The following CSRP2 variants were observed in gnomAD, a reference collection of about 807,000 sequenced individuals.
The protein encoded by CSRP2 is cysteine and glycine rich protein 2.
Under a neutral mutation model 24.6 loss-of-function variants are expected in CSRP2, and 18 were observed. The observed-to-expected ratio is 0.73, with a 90% confidence interval of 0.51 to 1.09. The LOEUF (loss-of-function observed/expected upper bound fraction) is 1.09, where lower values mean the gene tolerates loss of function less well. Among genes scored for constraint, CSRP2 ranks in the 50% least tolerant of loss-of-function variants. The probability of loss-of-function intolerance (pLI) is 0.00; values close to 1 mark genes in which losing one functional copy is unlikely to be tolerated. For missense variants in CSRP2, 215 were observed against 239.4 expected (o/e 0.90, Z 0.67); for synonymous variants, 87 against 84.3 (o/e 1.03, Z -0.18).
At position 76,863,251 on chromosome 12, in the gene CSRP2, T is replaced by G. The variant is rs1221600066; in HGVS notation, c.206A>C (p.Lys69Thr). The change falls in exon 3 of 6, where the codon AAA becomes ACA. Residue 69 changes from lysine (K) to threonine (T), a missense_variant. Physicochemically the swap from Lys to Thr is moderately conservative, Grantham distance 78. Coordinates refer to ENST00000311083, the MANE Select transcript of CSRP2 (RefSeq NM_001321.3). ...AGCGCCCTGGCCATAACCGTAGCCT[T>G]TTGGCCCATACTTCTTTCCGTAGCA... ...KSCYGKKYGP[K>T]GYGYGQGAGT... 1 of 1,614,238 alleles carries G rather than the reference T, an allele frequency of 6.2e-7. No homozygotes were observed. Among genetic ancestry groups the G allele is most frequent in the Admixed American group, 1.7e-5 (1 of 60,030 alleles).
chr12:76,866,104 G>T, intron 2 of CSRP2, 45 bp downstream of exon 2: 1 of 1,442,314 alleles, frequency 6.9e-7, no homozygotes, highest in Non-Finnish European at 9.7e-7. Flanking sequence ...TTGAAGCTCT[G>T]TACATACAAA....
At chr12:76,860,452 C>CCT in intron 3 of CSRP2, 39 bp from the exon 4 acceptor site, 1 of 1,607,580 alleles carries the variant, frequency 6.2e-7, no homozygotes, top group Non-Finnish European at 8.5e-7. Flanking sequence ...CAAGAGTTTC[C>CCT]ACAGGGCCCT....
At chr12:76,863,013 T>C in intron 3 of CSRP2, 163 bp downstream of exon 3, 2 of 1,436,550 alleles carry the variant, frequency 1.4e-6, no homozygotes, top group East Asian at 2.5e-5. Context: ...CTTTGTTAGG[T>C]CCAAAACTCA....
At chr12:76,860,757 A>G (rs146134405) in intron 3 of CSRP2, 3 of 165,954 alleles carry the variant, frequency 1.8e-5, no homozygotes, top group African/African-American at 7.1e-5. Context: ...ACCAGAGCAT[A>G]TATTTTTACT....
In CSRP2 at chr12:76,863,192, C is replaced by T. The variant is rs945313378; in HGVS notation, c.265G>A (p.Gly89Ser). 3 of 1,613,286 alleles carry T rather than the reference C, an allele frequency of 1.9e-6. No individual in the cohort carries two copies. The highest frequency in any genetic ancestry group is 3.3e-5 in the Admixed American group (2 of 59,966). ...TLNMDRGERL[G>S]IKPESVQPHR... ...CCAACTCACCTCTCTGGTTTGATGCCCAGCCTCTCGCCACGGTCCATGTTA... is the reference window on the plus strand; with the variant it reads ...CCAACTCACCTCTCTGGTTTGATGCTCAGCCTCTCGCCACGGTCCATGTTA... The change falls in exon 3 of 6, where the codon GGC (glycine) becomes AGC (serine). Residue 89 changes from glycine to serine, a missense_variant. Gly to Ser is a moderately conservative substitution (Grantham distance 56). Coordinates refer to ENST00000311083, the MANE Select transcript of CSRP2 (RefSeq NM_001321.3).
At chr12:76,862,826 A>G (rs1161417961) in intron 3 of CSRP2, 4 of 1,504,908 alleles carry the variant, frequency 2.7e-6, no homozygotes, top group Middle Eastern at 1.7e-4. Context: ...CATGAGAAAC[A>G]CCTCTCATGA....
chr12:76,860,513 C>T, intron 3 of CSRP2, 100 bp from the exon 4 acceptor site: 1 of 1,405,384 alleles, frequency 7.1e-7, no homozygotes, highest in Non-Finnish European at 9.7e-7. Context: ...AACCGCTACA[C>T]TGCCTCAAAG....
chr12:76,876,881 G>T (rs1462157055), intron 1 of CSRP2, among the ~76,000 whole-genome samples: 1 of 152,230 alleles, frequency 6.6e-6, no homozygotes, highest in African/African-American at 2.4e-5. Context: ...CTCCCAGGCT[G>T]GGCTGGGCTT....
At chr12:76,868,913 A>G (rs909716504) in intron 1 of CSRP2, among the ~76,000 whole-genome samples, 2 of 150,806 alleles carry the variant, frequency 1.3e-5, no homozygotes, top group African/African-American at 4.9e-5. Flanking sequence ...AGCCTGGGCG[A>G]CAGAGCGAGA....
intron 1 of CSRP2, among the ~76,000 whole-genome samples, chr12:76,878,516 G>A (rs1047770311): frequency 4.6e-5 from 7 of 152,150 alleles, no homozygotes; most frequent in African/African-American, 9.7e-5. Flanking sequence ...AGGGGGCCCT[G>A]AGACTCCGAC....
Position 76,863,262 on chromosome 12 carries a change from C to T in CSRP2, c.195G>A (p.Lys65=), listed in dbSNP as rs753541291. 1.2e-5 allele frequency: 19 copies of T among 1,614,260 alleles called. No individual in the cohort carries two copies. Among genetic ancestry groups the T allele is most frequent in the Non-Finnish European group, 1.4e-5 (17 of 1,180,056 alleles). The part of the protein sequence containing the change: ...EIYCKSCYGK[K]YGPKGYGYGQ... ...CATAACCGTAGCCTTTTGGCCCATA[C>T]TTCTTTCCGTAGCAGGATTTGCAGT... is the stretch of plus-strand genomic sequence containing the variant. Residue 65 remains lysine (K), a synonymous_variant, in exon 3 of 6, where the codon AAG becomes AAA. Transcript: ENST00000311083.
intron 1 of CSRP2, among the ~76,000 whole-genome samples, chr12:76,868,787 G>C (rs1953760449): frequency 6.6e-6 from 1 of 152,066 alleles, no homozygotes; most frequent in Non-Finnish European, 1.5e-5. Context: ...CAAAAAATTA[G>C]CCGGGCACGG....
At chr12:76,869,529 A>AACACACACAC (rs57542492) in intron 1 of CSRP2, among the ~76,000 whole-genome samples, 3,817 of 135,344 alleles carry the variant, frequency 0.028, 78 homozygotes, top group Admixed American at 0.033. Context: ...TAAAACAAAC[A>AACACACACAC]ACACACACAC....
chr12:76,859,323 A>G (rs1326681092), intron 5 of CSRP2: 4 of 595,722 alleles, frequency 6.7e-6, no homozygotes, highest in African/African-American at 5.6e-5. Context: ...TCAAGACATG[A>G]AGGCAAAAGA....
Position 76,866,249 on chromosome 12 carries a change from C to A in CSRP2, c.12G>T (p.Trp4Cys), listed in dbSNP as rs746887392. 1 of 1,613,704 alleles carries A rather than the reference C, an allele frequency of 6.2e-7. No individual in the cohort carries two copies. Among genetic ancestry groups the A allele is most frequent in the Non-Finnish European group, 8.5e-7 (1 of 1,179,668 alleles). MPV[W>C]GGGNKCGACG... ...AGGCCCCACACTTGTTTCCACCTCC[C>A]CAGACAGGCATTCTGAAGGAATAAA... The change falls in exon 2 of 6, where the codon TGG (tryptophan) becomes TGT (cysteine). Residue 4 changes from tryptophan (W) to cysteine (C), a missense_variant. Physicochemically the swap from Trp to Cys is radical, Grantham distance 215. Coordinates refer to ENST00000311083, the MANE Select transcript of CSRP2 (RefSeq NM_001321.3).
chr12:76,867,824 A>G (rs1953750224), intron 1 of CSRP2, among the ~76,000 whole-genome samples: 1 of 152,140 alleles, frequency 6.6e-6, no homozygotes, highest in African/African-American at 2.4e-5. Context: ...CTAAGTAGAA[A>G]AGATTAAAGA....
chr12:76,873,219 G>A (rs2137836766), intron 1 of CSRP2, among the ~76,000 whole-genome samples: 1 of 152,258 alleles, frequency 6.6e-6, no homozygotes, highest in East Asian at 1.9e-4. Flanking sequence ...TCCCCTAAAG[G>A]AGAATTTATT....
At chr12:76,875,413 A>T (rs933958405) in intron 1 of CSRP2, among the ~76,000 whole-genome samples, 1 of 152,226 alleles carries the variant, frequency 6.6e-6, no homozygotes, top group Non-Finnish European at 1.5e-5. Context: ...CACAGATTTG[A>T]ATCACTATCT....
chr12:76,861,367 T>TATATA (rs1491122023), intron 3 of CSRP2: 12 of 56,598 alleles, frequency 2.1e-4, no homozygotes, highest in African/African-American at 6.0e-4. Context: ...TATATATATA[T>TATATA]TTTTTTTTTT....
Sources: allele counts gnomAD v4.1 joint callset (sites outside exome capture counted in the v4.1 genomes callset), GRCh38; gene constraint gnomAD v4.1.1; transcripts MANE v1.5; gene names NCBI Gene and HGNC (gene_info 2026-07-23, HGNC 2026-07-21).